Variants in PAAF1 observed in about 807,000 individuals in gnomAD.
PAAF1 encodes proteasomal ATPase associated factor 1, also known as proteasomal ATPase-associated factor 1.
PAAF1 carries 46 observed loss-of-function variants against 52.8 expected under a neutral mutation model. The ratio of observed to expected loss-of-function variants is 0.87; its 90% confidence interval spans 0.69 to 1.11. The LOEUF is 1.11. Among genes scored for constraint, PAAF1 ranks in the 50% most tolerant of loss-of-function variants. The probability of loss-of-function intolerance (pLI) is 0.00; values close to 1 mark genes in which losing one functional copy is unlikely to be tolerated. For synonymous variants in PAAF1, 178 were observed against 172.8 expected, an observed-to-expected ratio of 1.03 and a Z score of -0.24; for missense variants, 424 against 477.4, an observed-to-expected ratio of 0.89 and a Z score of 1.04.
intron 9 of PAAF1, 48 bp downstream of exon 9, chr11:73,916,708 A>G: frequency 7.5e-7 from 1 of 1,337,268 alleles, no homozygotes; most frequent in Non-Finnish European, 1.1e-6. Flanking sequence ...CAGAGTGGAA[A>G]TTTTTATTGG....
intron 2 of PAAF1, chr11:73,886,987 G>A: frequency 2.2e-6 from 1 of 444,994 alleles, no homozygotes; most frequent in South Asian, 1.6e-5. Context: ...CTCTCACCAT[G>A]TGATCTCTGC....
At chr11:73,898,283 T>C (rs1949489300) in intron 4 of PAAF1, among the ~76,000 whole-genome samples, 1 of 151,990 alleles carries the variant, frequency 6.6e-6, no homozygotes, top group African/African-American at 2.4e-5. Context: ...AGCTGAACTC[T>C]TGAATCCTCC....
At chr11:73,886,828 G>A (rs1949073612) in intron 2 of PAAF1, 1 of 244,060 alleles carries the variant, frequency 4.1e-6, no homozygotes, top group African/African-American at 2.3e-5. Flanking sequence ...GGCCTAATGG[G>A]GGGTGTTTGG....
intron 4 of PAAF1, among the ~76,000 whole-genome samples, chr11:73,896,899 CGG>C (rs1949389066): frequency 6.6e-6 from 1 of 151,182 alleles, no homozygotes; most frequent in Non-Finnish European, 1.5e-5. Context: ...CCTCACCTCC[CGG>C]ACGGGGCGGC....
chr11:73,886,189 C>T (rs571765787), intron 2 of PAAF1, among the ~76,000 whole-genome samples: 36 of 152,232 alleles, frequency 2.4e-4, no homozygotes, highest in African/African-American at 8.7e-4. Context: ...GTTACTGAAG[C>T]TTAATTCTTT....
chr11:73,914,544 C>G (rs1211199707), intron 8 of PAAF1, 40 bp downstream of exon 8: 1 of 1,540,634 alleles, frequency 6.5e-7, no homozygotes, highest in Non-Finnish European at 9.0e-7. Context: ...CTGAGGCAAC[C>G]TGGGTCACTC....
chr11:73,903,822 C>G (rs1372948010), intron 6 of PAAF1, among the ~76,000 whole-genome samples: 2 of 144,710 alleles, frequency 1.4e-5, no homozygotes, highest in East Asian at 4.3e-4. Context: ...AGCGTCTCAC[C>G]CCTGTAATCC....
intron 6 of PAAF1, among the ~76,000 whole-genome samples, chr11:73,903,767 A>G (rs1949687348): frequency 6.6e-6 from 1 of 151,106 alleles, no homozygotes; most frequent in Admixed American, 6.6e-5. Flanking sequence ...GTTCAGAGCC[A>G]TGAACCCATA....
chr11:73,908,387 G>A (rs987634483), intron 6 of PAAF1, among the ~76,000 whole-genome samples: 20 of 114,708 alleles, frequency 1.7e-4, no homozygotes, highest in Admixed American at 7.5e-4. Flanking sequence ...ATATATGTGT[G>A]TATATATATA....
chr11:73,900,720 C>T (rs1371292450), intron 6 of PAAF1, among the ~76,000 whole-genome samples: 5 of 152,032 alleles, frequency 3.3e-5, no homozygotes, highest in East Asian at 3.9e-4. Context: ...CGGTGGCTCA[C>T]GCCTGTAATC....
intron 4 of PAAF1, among the ~76,000 whole-genome samples, chr11:73,894,889 T>A (rs1949302431): frequency 6.6e-6 from 1 of 152,094 alleles, no homozygotes; most frequent in South Asian, 2.1e-4. Context: ...GAGGCTGGGA[T>A]GGAAGGATTG....
intron 2 of PAAF1, among the ~76,000 whole-genome samples, chr11:73,886,770 A>AC (rs1157962871): frequency 1.3e-5 from 2 of 150,242 alleles, no homozygotes; most frequent in Non-Finnish European, 3.0e-5. Flanking sequence ...TGTATGTTTG[A>AC]CCCCTCCAAA....
chr11:73,916,616 G>C lies in PAAF1; in HGVS notation c.891G>C (p.Gly297=). The C allele has an allele frequency of 1.2e-6, 2 of 1,614,022 alleles. No individual in the cohort carries two copies. The highest frequency in any genetic ancestry group is 1.6e-4 in the Middle Eastern group (1 of 6,062). ...TCTCTGGCTTCTTGCTATTGGCTGGGACTCAAGATGGAAACATTTATCAGC... is the reference window on the plus strand; with the variant it reads ...TCTCTGGCTTCTTGCTATTGGCTGGCACTCAAGATGGAAACATTTATCAGC... ...TFLSGFLLLA[G]TQDGNIYQLD... The change falls in exon 9 of 12, where the codon GGG becomes GGC. Residue 297 remains glycine (G), a synonymous_variant. Coordinates refer to ENST00000310571, the MANE Select transcript of PAAF1 (RefSeq NM_025155.3).
intron 6 of PAAF1, among the ~76,000 whole-genome samples, chr11:73,908,016 T>C (rs1949807201): frequency 6.6e-6 from 1 of 152,100 alleles, no homozygotes; most frequent in South Asian, 2.1e-4. Flanking sequence ...GGTCCTTAAG[T>C]GGTCCACCAC....
chr11:73,897,177 CG>C (rs1949415716), intron 4 of PAAF1, among the ~76,000 whole-genome samples: 2 of 120,372 alleles, frequency 1.7e-5, no homozygotes, highest in South Asian at 3.0e-4. Flanking sequence ...GCTGGCCGTG[CG>C]GGGGGCTGAC....
At chr11:73,903,012 A>G (rs1190250391) in intron 6 of PAAF1, among the ~76,000 whole-genome samples, 1 of 152,150 alleles carries the variant, frequency 6.6e-6, no homozygotes, top group Non-Finnish European at 1.5e-5. Flanking sequence ...ATGTTAAATC[A>G]ATTTAGATAT....
intron 5 of PAAF1, among the ~76,000 whole-genome samples, 164 bp downstream of exon 5, chr11:73,899,408 C>CTTTTTTTTTTTTTTT (rs71065053): frequency 1.4e-4 from 14 of 101,194 alleles, no homozygotes; most frequent in East Asian, 2.7e-4. Context: ...TTCTTTTTCT[C>CTTTTTTTTTTTTTTT]TTTTTTTTTT....
In PAAF1 at chr11:73,924,600, C is replaced by A. The variant is rs749307642; in HGVS notation, c.1019-15C>A. ...GTTTTCTCTTAGTTATATGAATTTT[C>A]TTTCTGCCTTTCAGGTGATGGAAGC... On this transcript the variant is annotated splice_polypyrimidine_tract_variant and intron_variant, in intron 10 of 11. Transcript: ENST00000310571. The A allele has an allele frequency of 2.5e-6, 4 of 1,609,378 alleles. No individual in the cohort carries two copies. Among genetic ancestry groups the A allele is most frequent in the South Asian group, 2.2e-5 (2 of 90,918 alleles).
At position 73,900,437 on chromosome 11, in the gene PAAF1, C is replaced by T; in HGVS notation, c.532+17C>T. On this transcript the variant is annotated intron_variant, in intron 6 of 11. Coordinates refer to ENST00000310571, the MANE Select transcript of PAAF1 (RefSeq NM_025155.3). ...ACAAAGGAGGTATGAAGTGTGCTTT[C>T]TCCAAAAGGCTTCTCTAATGATCCC... is the stretch of plus-strand genomic sequence containing the variant. 6.5e-7 allele frequency: 1 copy of T among 1,537,412 alleles called. No homozygotes were observed. The highest frequency in any genetic ancestry group is 8.8e-7 in the Non-Finnish European group (1 of 1,133,774).
Sources: allele counts gnomAD v4.1 joint callset (sites outside exome capture counted in the v4.1 genomes callset), GRCh38; gene constraint gnomAD v4.1.1; transcripts MANE v1.5; gene names NCBI Gene and HGNC (gene_info 2026-07-23, HGNC 2026-07-21).